The following BMS1 variants were observed in gnomAD, a reference collection of about 807,000 sequenced individuals.
BMS1 encodes the protein BMS1 ribosome biogenesis factor.
In BMS1, 53 loss-of-function variants were observed where a neutral mutation model predicts 138.7. That is an observed-to-expected ratio of 0.38 (90% CI 0.31 to 0.48). The LOEUF is 0.48. BMS1 is among the 20% of genes least tolerant of loss of function. The probability of loss-of-function intolerance (pLI) is 0.97; values close to 1 mark genes in which losing one functional copy is unlikely to be tolerated. For synonymous variants in BMS1, 504 were observed against 539.9 expected (o/e 0.93, Z 0.92); for missense variants, 1,360 against 1,565.5 (o/e 0.87, Z 2.22).
chr10:42,798,563 G>C lies in BMS1; in HGVS notation c.2185G>C (p.Ala729Pro). 6.2e-7 allele frequency: 1 copy of C among 1,614,246 alleles called. No homozygotes were observed. Among genetic ancestry groups the C allele is most frequent in the Non-Finnish European group, 8.5e-7 (1 of 1,180,044 alleles). The change falls in exon 12 of 23, where the codon GCT becomes CCT. Residue 729 changes from alanine (A) to proline (P), a missense_variant. This residue lies in a region of BMS1 where 697 missense variants were observed against 686.2 expected (regional missense o/e 1.02). Coordinates refer to ENST00000374518, the MANE Select transcript of BMS1 (RefSeq NM_014753.4). ...NQPDRECKHK[A>P]DSLDCSRFLV... ...GCCTGACAGAGAGTGTAAGCACAAG[G>C]CTGACTCTTTGGACTGCTCCAGATT... is the stretch of plus-strand genomic sequence containing the variant.
intron 4 of BMS1, among the ~76,000 whole-genome samples, chr10:42,788,088 C>G (rs1841392579): frequency 6.6e-6 from 1 of 152,026 alleles, no homozygotes; most frequent in African/African-American, 2.4e-5. Flanking sequence ...CAGGAAGACT[C>G]CTAAAATATA....
chr10:42,813,538 T>C (rs1385683717), intron 13 of BMS1, among the ~76,000 whole-genome samples: 3 of 152,188 alleles, frequency 2.0e-5, no homozygotes, highest in East Asian at 3.9e-4. Flanking sequence ...CTTTTCCGCT[T>C]GTATGAATCA....
rs1192427004 is a variant in BMS1 at position 42,792,571 on chromosome 10, A to G, written c.858A>G (p.Leu286=). The change falls in exon 7 of 23, where the codon TTA becomes TTG. Residue 286 remains leucine (L), a synonymous_variant. Coordinates refer to ENST00000374518, the MANE Select transcript of BMS1 (RefSeq NM_014753.4). ...CDRKVSLYGY[L]RGAHLKNKSQ... is the part of the protein sequence containing the mutation. ...GGAAGGTGTCACTTTATGGTTATTT[A>G]AGAGGAGCACACTTGAAAAATAAAA... The G allele has an allele frequency of 1.2e-5, 20 of 1,611,202 alleles. No homozygotes were observed. The highest frequency in any genetic ancestry group is 6.7e-5 in the East Asian group (3 of 44,878).
rs192511896 is a variant in BMS1 at position 42,834,112 on chromosome 10, A to G, written c.*3016A>G. ...TTCTATTTACTAGGCACAGGCAGCC[A>G]TAGGTGCTAGGTATGTTTTGAAAAC... On this transcript the variant is annotated 3_prime_UTR_variant, in exon 23 of 23. Coordinates refer to ENST00000374518, the MANE Select transcript of BMS1 (RefSeq NM_014753.4). 6.6e-6 allele frequency: 1 copy of G among 152,370 alleles called. No individual in the cohort carries two copies. The highest frequency in any genetic ancestry group is 1.9e-4 in the East Asian group (1 of 5,192). 9.4% of individuals were successfully genotyped at this position (152,370 alleles called of 1,614,324 possible). A position where few individuals can be genotyped will look rare whatever the true frequency, so the allele number is the denominator to read the frequency against.
intron 15 of BMS1, among the ~76,000 whole-genome samples, chr10:42,817,893 T>C (rs1197688530): frequency 6.6e-6 from 1 of 152,214 alleles, no homozygotes; most frequent in African/African-American, 2.4e-5. Context: ...CTGTGGCTTA[T>C]AGACACACCA....
At chr10:42,829,396 C>G (rs1842741135) in intron 21 of BMS1, among the ~76,000 whole-genome samples, 2 of 152,264 alleles carry the variant, frequency 1.3e-5, no homozygotes, top group South Asian at 4.1e-4. Flanking sequence ...TTGCCTTCAT[C>G]TGTTGTTTGA....
Position 42,831,403 on chromosome 10 carries a change from C to G in BMS1, c.*307C>G, listed in dbSNP as rs1842797470. 3 of 245,158 alleles carry G rather than the reference C, an allele frequency of 1.2e-5. No individual in the cohort carries two copies. Among genetic ancestry groups the G allele is most frequent in the African/African-American group, 4.5e-5 (2 of 44,734 alleles). 15.2% of individuals were successfully genotyped at this position (245,158 alleles called of 1,614,324 possible). Reference sequence around the variant, plus strand: ...ATATCATTAAAATATTTTTTTGTTACTTTTGGCTTAGTAGTTTTCATTAGG... The same window carrying G: ...ATATCATTAAAATATTTTTTTGTTAGTTTTGGCTTAGTAGTTTTCATTAGG... On this transcript the variant is annotated 3_prime_UTR_variant, in exon 23 of 23. Coordinates refer to ENST00000374518, the MANE Select transcript of BMS1 (RefSeq NM_014753.4).
intron 1 of BMS1, among the ~76,000 whole-genome samples, chr10:42,783,489 T>C (rs1841226607): frequency 6.6e-6 from 1 of 152,176 alleles, no homozygotes; most frequent in Non-Finnish European, 1.5e-5. Context: ...TAGCACATCG[T>C]AGACAGACAC....
At chr10:42,829,677 C>T (rs1482859662) in intron 21 of BMS1, among the ~76,000 whole-genome samples, 1 of 151,902 alleles carries the variant, frequency 6.6e-6, no homozygotes, top group Non-Finnish European at 1.5e-5. Context: ...CAAAAATTAG[C>T]CGGGCGTGGT....
Position 42,833,840 on chromosome 10 carries a change from C to T in BMS1, c.*2744C>T, listed in dbSNP as rs1342108056. ...AGCAAGTATGTTGCAAAAACAAATT[C>T]CACCAGAATGTGAGTTCCATGAGAG... is the stretch of plus-strand genomic sequence containing the variant. On this transcript the variant is annotated 3_prime_UTR_variant, in exon 23 of 23. Transcript: ENST00000374518. The T allele has an allele frequency of 2.6e-5, 4 of 152,150 alleles. No homozygotes were observed. The highest frequency in any genetic ancestry group is 5.9e-5 in the Non-Finnish European group (4 of 68,024). The allele number at this position is 152,150 out of a possible 1,614,324, so 9.4% of individuals were successfully genotyped here. A position where few individuals can be genotyped will look rare whatever the true frequency, so the allele number is the denominator to read the frequency against.
chr10:42,799,868 T>A (rs1356732692), intron 12 of BMS1, among the ~76,000 whole-genome samples: 2 of 152,236 alleles, frequency 1.3e-5, no homozygotes, highest in African/African-American at 4.8e-5. Context: ...CAGTCTATCT[T>A]TTAACATTTT....
At chr10:42,787,802 T>C (rs1428420311) in intron 4 of BMS1, among the ~76,000 whole-genome samples, 1 of 152,184 alleles carries the variant, frequency 6.6e-6, no homozygotes, top group East Asian at 1.9e-4. Flanking sequence ...TGAATTGCCC[T>C]GAAGAAGTGG....
chr10:42,793,195 A>G (rs1298501474), intron 8 of BMS1, 51 bp downstream of exon 8: 7 of 1,501,262 alleles, frequency 4.7e-6, no homozygotes, highest in Non-Finnish European at 6.2e-6. Context: ...TTCTTTCTGA[A>G]TCTATTTTTT....
chr10:42,820,473 C>G lies in BMS1; in HGVS notation c.2770-35C>G, dbSNP rs374430538. ...GGTGCCTGAGGCTCTGTGGATTTCC[C>G]CTCCATCAATCATCTTACCCTCTCG... On this transcript the variant is annotated intron_variant, in intron 16 of 22. Transcript: ENST00000374518. 50 of 1,611,346 alleles carry G rather than the reference C, an allele frequency of 3.1e-5. No homozygotes were observed. In the African/African-American group the frequency reaches 5.9e-4, roughly 19 times the overall value.
intron 13 of BMS1, among the ~76,000 whole-genome samples, chr10:42,803,602 A>G (rs1055454716): frequency 3.9e-5 from 6 of 152,154 alleles, no homozygotes; most frequent in Admixed American, 3.9e-4. Context: ...GTGTCTCAAC[A>G]GTTTCCCTTT....
At chr10:42,820,082 G>GGGAT (rs1273959054) in intron 15 of BMS1, 154 bp from the exon 16 acceptor site, 1 of 534,052 alleles carries the variant, frequency 1.9e-6, no homozygotes, top group African/African-American at 2.1e-5. Context: ...GTGAGCCACT[G>GGGAT]TACCTGGCCA....
intron 13 of BMS1, among the ~76,000 whole-genome samples, chr10:42,813,328 T>G (rs1197020689): frequency 6.6e-6 from 1 of 152,220 alleles, no homozygotes; most frequent in African/African-American, 2.4e-5. Flanking sequence ...GATGTTTTTA[T>G]TATTTGCTTT....
chr10:42,824,812 A>AT (rs1267370159), intron 21 of BMS1, among the ~76,000 whole-genome samples: 1 of 152,028 alleles, frequency 6.6e-6, no homozygotes, highest in African/African-American at 2.4e-5. Flanking sequence ...GTTTGGATTT[A>AT]TTTCAAAGGT....
intron 4 of BMS1, 21 bp downstream of exon 4, chr10:42,787,268 T>C: frequency 1.1e-6 from 1 of 903,482 alleles, no homozygotes. Context: ...AGGGGCAGCC[T>C]GGGGTGCTGA....
Sources: allele counts gnomAD v4.1 joint callset (sites outside exome capture counted in the v4.1 genomes callset), GRCh38; gene constraint gnomAD v4.1.1; regional missense constraint gnomAD v4.1.1; transcripts MANE v1.5; gene names NCBI Gene and HGNC (gene_info 2026-07-23, HGNC 2026-07-21).